Variants in GNPTAB observed in about 807,000 individuals in gnomAD.
GNPTAB encodes N-acetylglucosamine-1-phosphotransferase subunits alpha/beta.
In GNPTAB, 92 loss-of-function variants were observed where a neutral mutation model predicts 136.6. The observed-to-expected ratio is 0.67, with a 90% CI of 0.57 to 0.80. The LOEUF is 0.80. GNPTAB is among the 30% of genes least tolerant of loss of function. The pLI, the probability that GNPTAB is intolerant of heterozygous loss-of-function variation, is 0.00. For missense variants in GNPTAB, 1,343 were observed against 1,501.8 expected (o/e 0.89, Z 1.75); for synonymous variants, 512 against 535.1 (o/e 0.96, Z 0.60).
chr12:101,771,995 C>T (rs779714019), intron 7 of GNPTAB, among the ~76,000 whole-genome samples: 3 of 152,240 alleles, frequency 2.0e-5, no homozygotes, highest in African/African-American at 4.8e-5. Context: ...GGGAGGAGCA[C>T]CTTCGGCAGG....
At chr12:101,751,541 T>G (rs571109340) in intron 19 of GNPTAB, among the ~76,000 whole-genome samples, 2 of 152,226 alleles carry the variant, frequency 1.3e-5, no homozygotes, top group Non-Finnish European at 2.9e-5. Flanking sequence ...GCAATGGCAG[T>G]AGAATGAAAG....
intron 19 of GNPTAB, among the ~76,000 whole-genome samples, chr12:101,752,770 T>C (rs1441366866): frequency 1.3e-5 from 2 of 152,224 alleles, no homozygotes; most frequent in African/African-American, 4.8e-5. Context: ...CATTTTATAC[T>C]AAACAATCCC....
intron 1 of GNPTAB, among the ~76,000 whole-genome samples, chr12:101,804,282 TAAAAGAAAACA>T: frequency 6.8e-6 from 1 of 146,436 alleles, no homozygotes; most frequent in East Asian, 2.0e-4. Flanking sequence ...AAGTCATATC[TAAAAGAAAACA>T]AAAAGAACCC....
chr12:101,756,448 G>T (rs1952901295), intron 18 of GNPTAB: 1 of 398,802 alleles, frequency 2.5e-6, no homozygotes, highest in South Asian at 1.8e-5. Context: ...AGCAGCTCAT[G>T]TCTGTGGTTC....
At chr12:101,755,304 C>A (rs751413405) in intron 18 of GNPTAB, among the ~76,000 whole-genome samples, 19 of 151,998 alleles carry the variant, frequency 1.3e-4, no homozygotes, top group Non-Finnish European at 2.6e-4. Flanking sequence ...TTAGTTGTAG[C>A]CTACACTTCT....
intron 7 of GNPTAB, among the ~76,000 whole-genome samples, chr12:101,772,006 A>G (rs534671162): frequency 6.6e-6 from 1 of 152,362 alleles, no homozygotes; most frequent in South Asian, 2.1e-4. Context: ...CTTCGGCAGG[A>G]CTGCCTGAAG....
At position 101,760,038 on chromosome 12, in the gene GNPTAB, G is replaced by A. The variant is rs375783746; in HGVS notation, c.3241C>T (p.Pro1081Ser). 26 of 1,593,350 alleles carry A rather than the reference G, an allele frequency of 1.6e-5. No homozygotes were observed. Among genetic ancestry groups the A allele is most frequent in the Non-Finnish European group, 2.2e-5 (25 of 1,161,126 alleles). ...TAACCCATTCCACTTACCAGGTTGG[G>A]ATCATAGTAGGATTCCTGAGTTGGT... The part of the protein sequence containing the change: ...IPPTQESYYD[P>S]NLPPVTKSLV... Residue 1081 changes from proline to serine, a missense_variant, in exon 16 of 21, where the codon CCC (proline) becomes TCC (serine). Physicochemically the swap from Pro to Ser is moderately conservative, Grantham distance 74. Transcript: ENST00000299314.
chr12:101,771,905 C>T (rs889200953), intron 7 of GNPTAB, among the ~76,000 whole-genome samples: 4 of 152,236 alleles, frequency 2.6e-5, no homozygotes, highest in Non-Finnish European at 4.4e-5. Context: ...AAAAAATCTG[C>T]AATGTAATTA....
intron 1 of GNPTAB, among the ~76,000 whole-genome samples, chr12:101,814,741 G>C (rs1053508499): frequency 6.6e-6 from 1 of 152,026 alleles, no homozygotes; most frequent in Non-Finnish European, 1.5e-5. Flanking sequence ...AGCCATTACA[G>C]ATTAACATAT....
At chr12:101,819,678 G>GAA (rs1870701197) in intron 1 of GNPTAB, among the ~76,000 whole-genome samples, 1 of 152,128 alleles carries the variant, frequency 6.6e-6, no homozygotes, top group Admixed American at 6.6e-5. Context: ...ACTTTTTCCT[G>GAA]TGTAATTTAG....
chr12:101,796,186 G>A, intron 2 of GNPTAB: 1 of 701,048 alleles, frequency 1.4e-6, no homozygotes, highest in South Asian at 1.5e-5. Flanking sequence ...TTCCGGCCAG[G>A]GCTCAGAAAC....
chr12:101,822,923 T>G (rs946244113), intron 1 of GNPTAB, among the ~76,000 whole-genome samples: 8 of 152,212 alleles, frequency 5.3e-5, no homozygotes, highest in Admixed American at 5.2e-4. Context: ...GCATCACTTA[T>G]CTATTCTTCT....
chr12:101,808,980 T>G (rs1314501808), intron 1 of GNPTAB, among the ~76,000 whole-genome samples: 5 of 152,154 alleles, frequency 3.3e-5, no homozygotes, highest in Non-Finnish European at 5.9e-5. Context: ...TGGGAGACAC[T>G]GTTAAAAGAA....
intron 20 of GNPTAB, among the ~76,000 whole-genome samples, chr12:101,748,329 T>A (rs1236680069): frequency 2.0e-5 from 3 of 152,206 alleles, no homozygotes; most frequent in Non-Finnish European, 4.4e-5. Context: ...TACGTTTCAT[T>A]TGAGTGACAG....
At position 101,749,101 on chromosome 12, in the gene GNPTAB, C is replaced by T; in HGVS notation, c.3693G>A (p.Gln1231=). 3 of 1,571,222 alleles carry T rather than the reference C, an allele frequency of 1.9e-6. No individual in the cohort carries two copies. Among genetic ancestry groups the T allele is most frequent in the African/African-American group, 2.7e-5 (2 of 74,138 alleles). Residue 1231 remains glutamine (Q), a splice_region_variant and synonymous_variant, in exon 20 of 21, where the codon CAG becomes CAA. Coordinates refer to ENST00000299314, the MANE Select transcript of GNPTAB (RefSeq NM_024312.5). ...MFTIFSFFAE[Q]LIALKRKIFP... ...CCCACATAAAATATATAAAACTTAC[C>T]TGCTCAGCAAAAAATGAGAATATAG...
chr12:101,781,324 A>C (rs1245916795), intron 5 of GNPTAB, among the ~76,000 whole-genome samples: 1 of 152,180 alleles, frequency 6.6e-6, no homozygotes, highest in Non-Finnish European at 1.5e-5. Flanking sequence ...AGGTTCTCCA[A>C]ATTATAGCCT....
intron 19 of GNPTAB, among the ~76,000 whole-genome samples, chr12:101,750,381 G>A (rs900206931): frequency 9.2e-5 from 14 of 152,132 alleles, no homozygotes; most frequent in Non-Finnish European, 2.1e-4. Context: ...TCTGTTAATA[G>A]GATCATAACC....
At chr12:101,799,667 C>A (rs577340096) in intron 1 of GNPTAB, among the ~76,000 whole-genome samples, 6 of 152,186 alleles carry the variant, frequency 3.9e-5, no homozygotes, top group Non-Finnish European at 7.3e-5. Flanking sequence ...AACAAGAGTT[C>A]TTTTACTGGA....
rs1229295277 is a variant in GNPTAB, at chr12:101,764,595, G to T, written c.2322C>A (p.Ile774=). 6.2e-7 allele frequency: 1 copy of T among 1,614,074 alleles called. No individual in the cohort carries two copies. The highest frequency in any genetic ancestry group is 8.5e-7 in the Non-Finnish European group (1 of 1,179,994). ...CAGACACTCCTAAGCTGTTTGGCAA[G>T]ATGCTTTTATGAACCTGTTTTTCCT... ...APQEKQVHKS[I]LPNSLGVSER... The change falls in exon 13 of 21, where the codon ATC becomes ATA. Residue 774 remains isoleucine (I), a synonymous_variant. Transcript: ENST00000299314.
Sources: allele counts gnomAD v4.1 joint callset (sites outside exome capture counted in the v4.1 genomes callset), GRCh38; gene constraint gnomAD v4.1.1; transcripts MANE v1.5; gene names NCBI Gene and HGNC (gene_info 2026-07-23, HGNC 2026-07-21).